CDYL: variants seen among roughly 807,000 people sequenced by gnomAD.
CDYL encodes chromodomain Y-like protein.
In CDYL, 8 loss-of-function variants were observed where a neutral mutation model predicts 47.3. The ratio of observed to expected loss-of-function variants is 0.17; its 90% CI spans 0.10 to 0.31. CDYL has a LOEUF of 0.31. Among genes scored for constraint, CDYL ranks in the 10% least tolerant of loss-of-function variants. CDYL has a pLI of 1.00. For missense variants in CDYL, 471 were observed against 701.4 expected (o/e 0.67, Z 3.71); for synonymous variants, 266 against 265.0 (o/e 1.00, Z -0.04).
chr6:4,798,252 C>T (rs1353418304), intron 1 of CDYL, among the ~76,000 whole-genome samples: 1 of 152,168 alleles, frequency 6.6e-6, no homozygotes, highest in East Asian at 1.9e-4. Context: ...GGATTACATG[C>T]ATGAGCCACC....
intron 1 of CDYL, among the ~76,000 whole-genome samples, chr6:4,858,418 C>T (rs1242946995): frequency 6.6e-6 from 1 of 152,222 alleles, no homozygotes; most frequent in Non-Finnish European, 1.5e-5. Context: ...CCAAACACTT[C>T]CACTACTTGT....
At chr6:4,810,353 A>G (rs2127443879) in intron 1 of CDYL, among the ~76,000 whole-genome samples, 1 of 152,224 alleles carries the variant, frequency 6.6e-6, no homozygotes, top group East Asian at 1.9e-4. Context: ...GCTACTTTTA[A>G]AAGTTGTTTG....
chr6:4,824,668 C>A (rs756450861), intron 1 of CDYL, among the ~76,000 whole-genome samples: 2 of 152,094 alleles, frequency 1.3e-5, no homozygotes, highest in Admixed American at 1.3e-4. Context: ...GTTGGCTTTT[C>A]ACTTGCTTGA....
chr6:4,896,583 A>G (rs188530336), intron 2 of CDYL, among the ~76,000 whole-genome samples: 4 of 152,340 alleles, frequency 2.6e-5, no homozygotes, highest in Non-Finnish European at 5.9e-5. Flanking sequence ...ATATATGGCC[A>G]GAAACACAGA....
chr6:4,723,289 G>C (rs765527250), intron 2 of CDYL, among the ~76,000 whole-genome samples: 2 of 152,082 alleles, frequency 1.3e-5, no homozygotes, highest in East Asian at 1.9e-4. Context: ...TTATATCAGG[G>C]ACTTGAGCAT....
chr6:4,799,892 ATAT>A (rs1319338384), intron 1 of CDYL, among the ~76,000 whole-genome samples: 10 of 152,126 alleles, frequency 6.6e-5, no homozygotes, highest in African/African-American at 2.4e-4. Context: ...TATATTTATA[ATAT>A]TGTTATATTT....
chr6:4,874,582 T>C (rs570652220), intron 1 of CDYL, among the ~76,000 whole-genome samples: 2 of 152,334 alleles, frequency 1.3e-5, no homozygotes, highest in African/African-American at 4.8e-5. Context: ...GTGCGTTAAA[T>C]GAGATATGGC....
At chr6:4,904,227 C>A (rs1244578730) in intron 2 of CDYL, among the ~76,000 whole-genome samples, 4 of 152,196 alleles carry the variant, frequency 2.6e-5, no homozygotes, top group Admixed American at 2.6e-4. Flanking sequence ...CTTGTACAGC[C>A]CTGCTTCTCG....
chr6:4,756,573 C>CGTGTGTGTGTGTGT (rs1228739911), intron 3 of CDYL, among the ~76,000 whole-genome samples: 137 of 125,280 alleles, frequency 1.1e-3, no homozygotes, highest in African/African-American at 5.2e-3. Context: ...TTAAAATTAT[C>CGTGTGTGTGTGTGT]GTGTGTATGT....
intron 1 of CDYL, among the ~76,000 whole-genome samples, chr6:4,856,762 A>G (rs759088678): frequency 7.2e-5 from 11 of 152,212 alleles, no homozygotes; most frequent in Non-Finnish European, 1.0e-4. Flanking sequence ...GAACTTCAGG[A>G]TCTCAACTTG....
chr6:4,929,493 T>TACACACACACACACACACACACAC (rs71540836), intron 2 of CDYL, among the ~76,000 whole-genome samples: 7 of 144,036 alleles, frequency 4.9e-5, no homozygotes, highest in South Asian at 4.6e-4. Flanking sequence ...ATGTTTTACT[T>TACACACACACACACACACACACAC]ACACACACAC....
chr6:4,726,366 C>T (rs1344344473), intron 2 of CDYL, among the ~76,000 whole-genome samples: 1 of 152,026 alleles, frequency 6.6e-6, no homozygotes, highest in Non-Finnish European at 1.5e-5. Flanking sequence ...GAAACCCTGT[C>T]TGTACTAAAA....
chr6:4,730,811 G>A (rs770528296), intron 2 of CDYL, among the ~76,000 whole-genome samples: 41 of 151,680 alleles, frequency 2.7e-4, no homozygotes, highest in Non-Finnish European at 5.0e-4. Context: ...GCCTGACATA[G>A]CTCTTTACAC....
intron 1 of CDYL, among the ~76,000 whole-genome samples, chr6:4,787,643 G>T (rs1258590913): frequency 6.6e-6 from 1 of 152,112 alleles, no homozygotes; most frequent in African/African-American, 2.4e-5. Context: ...GAAATCGTGG[G>T]TCTGAGCTGG....
chr6:4,892,229 G>A lies in CDYL; in HGVS notation c.541G>A (p.Val181Met), dbSNP rs767953130. The A allele has an allele frequency of 9.3e-6, 15 of 1,614,262 alleles. No individual in the cohort carries two copies. Among genetic ancestry groups the A allele is most frequent in the Non-Finnish European group, 1.1e-5 (13 of 1,180,048 alleles). Reference sequence around the variant, plus strand: ...TCAGGAGGACACAGTGGCACCCGAAGTGGCAGCGGAAAAGCCGGTCGGAGC... The same window carrying A: ...TCAGGAGGACACAGTGGCACCCGAAATGGCAGCGGAAAAGCCGGTCGGAGC... ...QGQEDTVAPE[V>M]AAEKPVGALL... Residue 181 changes from valine to methionine, a missense_variant, in exon 2 of 7, where the codon GTG becomes ATG. Physicochemically the swap from Val to Met is conservative, Grantham distance 21 (BLOSUM62 1). This residue lies in a region of CDYL where 311 missense variants were observed against 350.0 expected (regional missense o/e 0.89). Coordinates refer to ENST00000397588, the MANE Select transcript of CDYL (RefSeq NM_004824.4).
At chr6:4,708,171 CACACACAT>C (rs1056201459) in intron 1 of CDYL, among the ~76,000 whole-genome samples, 6 of 82,704 alleles carry the variant, frequency 7.3e-5, no homozygotes, top group African/African-American at 3.8e-4. Flanking sequence ...CACACACACA[CACACACAT>C]ATATATATAT....
At chr6:4,793,077 C>T (rs1296435185) in intron 1 of CDYL, among the ~76,000 whole-genome samples, 1 of 152,170 alleles carries the variant, frequency 6.6e-6, no homozygotes. Flanking sequence ...CTTGGAAACT[C>T]GTCCTTCCAG....
intron 1 of CDYL, among the ~76,000 whole-genome samples, chr6:4,811,381 A>G (rs1240775056): frequency 1.3e-5 from 2 of 152,212 alleles, no homozygotes; most frequent in African/African-American, 4.8e-5. Flanking sequence ...CCTCTTCAGT[A>G]GTAATAGGCT....
At chr6:4,751,057 A>G (rs538674021) in intron 3 of CDYL, among the ~76,000 whole-genome samples, 69 of 151,908 alleles carry the variant, frequency 4.5e-4, no homozygotes, top group East Asian at 7.8e-4. Context: ...GGGTTTCACC[A>G]TGTTAGCCAG....
Sources: gnomAD v4.1 joint callset for allele counts (sites outside exome capture counted in the v4.1 genomes callset) on GRCh38, gnomAD v4.1.1 for gene constraint, gnomAD v4.1.1 regional missense constraint, MANE v1.5 for transcripts, NCBI Gene and HGNC (gene_info 2026-07-23, HGNC 2026-07-21) for gene names.